NXPH2: variants seen among roughly 807,000 people sequenced by gnomAD.
NXPH2 encodes the protein neurexophilin-2.
NXPH2 carries 5 observed loss-of-function variants against 19.8 expected under a neutral mutation model. The observed-to-expected ratio is 0.25, with a 90% confidence interval of 0.13 to 0.53. The LOEUF is 0.53. Ranked by LOEUF, NXPH2 falls within the 20% of genes least tolerant of loss-of-function variation. The probability of loss-of-function intolerance (pLI) is 0.96; values close to 1 mark genes in which losing one functional copy is unlikely to be tolerated. For synonymous variants in NXPH2, 154 were observed against 127.4 expected (o/e 1.21, Z -1.41); for missense variants, 289 against 322.8 (o/e 0.90, Z 0.80).
chr2:138,692,553 G>A lies in NXPH2; in HGVS notation c.52-20888C>T, dbSNP rs543431305. On this transcript the variant is annotated intron_variant, in intron 1 of 1. Coordinates refer to ENST00000272641, the MANE Select transcript of NXPH2 (RefSeq NM_007226.3). ...TGAAGATTAATCCTAAATGTCCGCT[G>A]AAGATGAAAATGATGGAGCAAGTAT... Among the ~76,000 whole-genome samples the A allele has an allele frequency of 4.3e-4, 65 of 152,244 alleles. 2 individuals carry two copies. The South Asian group carries it at 0.013, about 30-fold the overall frequency.
intron 1 of NXPH2, among the ~76,000 whole-genome samples, chr2:138,722,772 C>G (rs1016712717): frequency 1.3e-5 from 2 of 152,178 alleles, no homozygotes; most frequent in African/African-American, 4.8e-5. Flanking sequence ...GTGATCTTTG[C>G]TCAAGAGATT....
intron 1 of NXPH2, among the ~76,000 whole-genome samples, chr2:138,691,432 T>C (rs1239721752): frequency 6.6e-6 from 1 of 152,186 alleles, no homozygotes; most frequent in Admixed American, 6.5e-5. Context: ...GAGAGACATA[T>C]ATTAATTGAC....
chr2:138,714,098 A>G (rs1337313493), intron 1 of NXPH2, among the ~76,000 whole-genome samples: 2 of 152,198 alleles, frequency 1.3e-5, no homozygotes, highest in Non-Finnish European at 2.9e-5. Context: ...AATACAATAA[A>G]TAGCCCATTT....
At chr2:138,761,164 A>G (rs909567964) in intron 1 of NXPH2, among the ~76,000 whole-genome samples, 2 of 152,022 alleles carry the variant, frequency 1.3e-5, no homozygotes, top group Non-Finnish European at 2.9e-5. Context: ...CCCCACCCTC[A>G]TCTTCACTTG....
Position 138,671,243 on chromosome 2 carries a change from C to T in NXPH2, c.474G>A (p.Val158=), listed in dbSNP as rs1375549989. 2.5e-6 allele frequency: 4 copies of T among 1,613,776 alleles called. No homozygotes were observed. The highest frequency in any genetic ancestry group is 3.4e-6 in the Non-Finnish European group (4 of 1,179,844). ...CCACCTTGGAGGGTGGTACCAAGCT[C>T]ACTGAAACATTGCCCAGGCCTGTTG... ...HNSTGLGNVS[V]SLVPPSKVVE... The change falls in exon 2 of 2, where the codon GTG becomes GTA. Residue 158 remains valine (V), a synonymous_variant. Coordinates refer to ENST00000272641, the MANE Select transcript of NXPH2 (RefSeq NM_007226.3).
intron 1 of NXPH2, among the ~76,000 whole-genome samples, chr2:138,732,709 T>G (rs1484587648): frequency 6.6e-6 from 1 of 152,212 alleles, no homozygotes; most frequent in Admixed American, 6.5e-5. Flanking sequence ...GCCAATATTC[T>G]GATTCTATTC....
intron 1 of NXPH2, among the ~76,000 whole-genome samples, chr2:138,778,821 A>G (rs1364623237): frequency 6.6e-6 from 1 of 152,214 alleles, no homozygotes; most frequent in Non-Finnish European, 1.5e-5. Flanking sequence ...AACATGGAGT[A>G]TTGTAGATAG....
intron 1 of NXPH2, among the ~76,000 whole-genome samples, chr2:138,747,485 C>A (rs1444602406): frequency 6.6e-6 from 1 of 152,070 alleles, no homozygotes; most frequent in Non-Finnish European, 1.5e-5. Flanking sequence ...TACACTTGGC[C>A]CCTGATTGTG....
chr2:138,726,556 A>C (rs550933466), intron 1 of NXPH2, among the ~76,000 whole-genome samples: 130 of 131,982 alleles, frequency 9.8e-4, no homozygotes, highest in African/African-American at 3.4e-3. Flanking sequence ...ACACACACAC[A>C]CACCCTCCAA....
chr2:138,682,195 A>G (rs1680589793), intron 1 of NXPH2, among the ~76,000 whole-genome samples: 2 of 152,230 alleles, frequency 1.3e-5, no homozygotes, highest in Non-Finnish European at 2.9e-5. Context: ...CCATTTGAAT[A>G]TAACAAACAA....
chr2:138,772,666 C>A (rs541832121), intron 1 of NXPH2, among the ~76,000 whole-genome samples: 1 of 152,180 alleles, frequency 6.6e-6, no homozygotes, highest in Non-Finnish European at 1.5e-5. Flanking sequence ...TTCTATTCAA[C>A]TTATTTGACT....
chr2:138,687,324 T>C (rs1324532337), intron 1 of NXPH2, among the ~76,000 whole-genome samples: 1 of 152,232 alleles, frequency 6.6e-6, no homozygotes, highest in African/African-American at 2.4e-5. Context: ...CATTTTTTCA[T>C]GTGTCTTTTG....
chr2:138,681,258 G>C (rs1311999876), intron 1 of NXPH2, among the ~76,000 whole-genome samples: 1 of 152,154 alleles, frequency 6.6e-6, no homozygotes, highest in Non-Finnish European at 1.5e-5. Flanking sequence ...TTAAAAATAT[G>C]CTAACAGAAA....
intron 1 of NXPH2, among the ~76,000 whole-genome samples, chr2:138,675,478 C>T (rs1330195483): frequency 2.0e-5 from 3 of 152,060 alleles, no homozygotes; most frequent in Non-Finnish European, 4.4e-5. Flanking sequence ...ATCACTAGTA[C>T]TTCCATTGTG....
intron 1 of NXPH2, among the ~76,000 whole-genome samples, chr2:138,731,516 G>A (rs1351379529): frequency 6.6e-6 from 1 of 151,996 alleles, no homozygotes; most frequent in Admixed American, 6.6e-5. Context: ...GACAATTTAA[G>A]GTAAGAGTCA....
intron 1 of NXPH2, among the ~76,000 whole-genome samples, chr2:138,743,959 C>A (rs918574250): frequency 5.0e-5 from 7 of 141,312 alleles, no homozygotes; most frequent in African/African-American, 1.0e-4. Context: ...GCCGAGATTG[C>A]GCCATTGCAC....
intron 1 of NXPH2, among the ~76,000 whole-genome samples, chr2:138,746,868 A>C (rs899633912): frequency 6.6e-6 from 1 of 152,162 alleles, no homozygotes; most frequent in Admixed American, 6.5e-5. Context: ...CCTATAAAAA[A>C]GGGTTTTGAA....
At chr2:138,672,097 G>T (rs866080319) in intron 1 of NXPH2, among the ~76,000 whole-genome samples, 15 of 152,120 alleles carry the variant, frequency 9.9e-5, no homozygotes, top group Admixed American at 7.2e-4. Context: ...ATATTGATAA[G>T]TCTTAAGTAT....
At chr2:138,745,478 T>C (rs1681710536) in intron 1 of NXPH2, among the ~76,000 whole-genome samples, 1 of 104,608 alleles carries the variant, frequency 9.6e-6, no homozygotes, top group Non-Finnish European at 2.1e-5. Flanking sequence ...GCACATCCTT[T>C]TCTTCTTTTT....
Sources: allele counts gnomAD v4.1 joint callset (sites outside exome capture counted in the v4.1 genomes callset), GRCh38; gene constraint gnomAD v4.1.1; transcripts MANE v1.5; gene names NCBI Gene and HGNC (gene_info 2026-07-23, HGNC 2026-07-21).